ACKR2: variants seen among roughly 807,000 people sequenced by gnomAD.
ACKR2 encodes the protein C-C chemokine receptor D6.
For synonymous variants in ACKR2, 207 were observed against 192.2 expected (o/e 1.08, Z -0.64); for missense variants, 457 against 477.3 (o/e 0.96, Z 0.40).
chr3:42,829,664 G>A (rs1039733508), intron 2 of ACKR2, among the ~76,000 whole-genome samples: 1 of 152,132 alleles, frequency 6.6e-6, no homozygotes, highest in African/African-American at 2.4e-5. Context: ...AAGAGGATTG[G>A]GGCTTGCCCT....
intron 1 of ACKR2, among the ~76,000 whole-genome samples, chr3:42,817,948 A>C (rs62246641): frequency 0.16 from 24,145 of 152,026 alleles, 2,200 homozygotes; most frequent in South Asian, 0.27. Context: ...TGTGTCCCTT[A>C]AATATTGGTG....
chr3:42,829,316 A>G (rs1480531046), intron 2 of ACKR2, among the ~76,000 whole-genome samples: 1 of 152,192 alleles, frequency 6.6e-6, no homozygotes, highest in Admixed American at 6.5e-5. Flanking sequence ...ATGCAAATGA[A>G]TTATCCACAT....
At chr3:42,813,815 A>AT (rs1384723840) in intron 1 of ACKR2, among the ~76,000 whole-genome samples, 4 of 152,146 alleles carry the variant, frequency 2.6e-5, no homozygotes, top group Non-Finnish European at 5.9e-5. Flanking sequence ...AGGAAGTTGT[A>AT]TTTTGTTTTT....
In ACKR2 at chr3:42,865,131, T is replaced by C. The variant is rs773667338; in HGVS notation, c.629T>C (p.Leu210Pro). 2.5e-6 allele frequency: 4 copies of C among 1,614,072 alleles called. 1 individual carries two copies. In the South Asian group the frequency reaches 4.4e-5, roughly 18 times the overall value. The change falls in exon 3 of 3, where the codon CTC becomes CCC. Residue 210 changes from leucine to proline, a missense_variant. Coordinates refer to ENST00000422265, the MANE Select transcript of ACKR2 (RefSeq NM_001296.5). ...GGHGTIWKLF[L>P]RFQQNLLGFL... ...CATGGGACCATTTGGAAGCTCTTCC[T>C]CCGCTTCCAGCAGAACCTCCTAGGG...
chr3:42,853,396 T>C (rs1164576504), intron 2 of ACKR2, among the ~76,000 whole-genome samples: 3 of 152,138 alleles, frequency 2.0e-5, no homozygotes, highest in Admixed American at 1.3e-4. Context: ...TTATTACATA[T>C]AAAGCTCAGG....
At chr3:42,824,569 T>A (rs1026737902) in intron 2 of ACKR2, among the ~76,000 whole-genome samples, 2 of 152,214 alleles carry the variant, frequency 1.3e-5, no homozygotes, top group African/African-American at 4.8e-5. Flanking sequence ...TCTGGACATT[T>A]CATATAAATG....
chr3:42,836,421 A>G (rs1700987755), intron 2 of ACKR2, among the ~76,000 whole-genome samples: 1 of 152,218 alleles, frequency 6.6e-6, no homozygotes, highest in South Asian at 2.1e-4. Flanking sequence ...TTGCTTTCTT[A>G]TTATCAAGTC....
At chr3:42,840,656 C>G (rs150645204) in intron 2 of ACKR2, among the ~76,000 whole-genome samples, 9 of 152,274 alleles carry the variant, frequency 5.9e-5, no homozygotes, top group Admixed American at 3.9e-4. Flanking sequence ...AATTATGATA[C>G]TCTATGTTGA....
intron 2 of ACKR2, among the ~76,000 whole-genome samples, chr3:42,850,043 G>C (rs546053030): frequency 1.3e-5 from 2 of 152,104 alleles, no homozygotes; most frequent in Admixed American, 6.5e-5. Flanking sequence ...ATGTACAAAA[G>C]GGGGGAGGTG....
intron 2 of ACKR2, among the ~76,000 whole-genome samples, chr3:42,833,873 A>G (rs1470025639): frequency 3.3e-5 from 5 of 152,142 alleles, no homozygotes; most frequent in African/African-American, 1.2e-4. Context: ...AAGTCTTACA[A>G]GAGCCATTTT....
intron 2 of ACKR2, among the ~76,000 whole-genome samples, chr3:42,860,163 G>GAAAAAAA (rs2088367013): frequency 1.4e-3 from 7 of 4,928 alleles, no homozygotes; most frequent in Non-Finnish European, 1.8e-3. Context: ...CAAATGGAAA[G>GAAAAAAA]CAAAAAAAAA....
Position 42,865,105 on chromosome 3 carries a change from G to A in ACKR2, c.603G>A (p.Gly201=), listed in dbSNP as rs2088422179. 2 of 1,613,984 alleles carry A rather than the reference G, an allele frequency of 1.2e-6. No homozygotes were observed. The highest frequency in any genetic ancestry group is 4.5e-5 in the East Asian group (2 of 44,872). The change falls in exon 3 of 3, where the codon GGG becomes GGA. Residue 201 remains glycine (G), a synonymous_variant. Transcript: ENST00000422265. Reference sequence around the variant, plus strand: ...GGAACTGCCACGCAGATTTCGGCGGGCATGGGACCATTTGGAAGCTCTTCC... The same window carrying A: ...GGAACTGCCACGCAGATTTCGGCGGACATGGGACCATTTGGAAGCTCTTCC... ...GVWNCHADFG[G]HGTIWKLFLR...
chr3:42,819,133 A>G (rs1385312856), intron 1 of ACKR2, among the ~76,000 whole-genome samples: 2 of 152,182 alleles, frequency 1.3e-5, no homozygotes, highest in African/African-American at 2.4e-5. Flanking sequence ...AAAAGTCTGT[A>G]TAACTTTATC....
At chr3:42,835,880 C>G (rs1303602592) in intron 2 of ACKR2, 1 of 152,276 alleles carries the variant, frequency 6.6e-6, no homozygotes. Flanking sequence ...TCCCAGGTCC[C>G]TCCTTCCTCC....
chr3:42,860,187 A>AAAG, intron 2 of ACKR2, among the ~76,000 whole-genome samples: 1 of 145,950 alleles, frequency 6.9e-6, no homozygotes, highest in South Asian at 2.2e-4. Context: ...AAAAAAAAAA[A>AAAG]AAGCAGGGGA....
At chr3:42,812,789 T>TGG (rs1700709366) in intron 1 of ACKR2, among the ~76,000 whole-genome samples, 2 of 141,244 alleles carry the variant, frequency 1.4e-5, no homozygotes, top group South Asian at 4.8e-4. Context: ...CAGGCTCAAG[T>TGG]GATCCTCTTG....
chr3:42,854,749 T>C (rs1429152595), intron 2 of ACKR2, among the ~76,000 whole-genome samples: 1 of 152,194 alleles, frequency 6.6e-6, no homozygotes, highest in African/African-American at 2.4e-5. Context: ...TTTCCTCTTG[T>C]TGCCTCAACT....
chr3:42,809,943 G>C (rs1700678254), intron 1 of ACKR2, among the ~76,000 whole-genome samples: 1 of 151,962 alleles, frequency 6.6e-6, no homozygotes, highest in Non-Finnish European at 1.5e-5. Context: ...TATTTTCTAT[G>C]ACTTGCTTCA....
At chr3:42,838,543 A>T (rs765817964) in intron 2 of ACKR2, among the ~76,000 whole-genome samples, 3 of 101,398 alleles carry the variant, frequency 3.0e-5, no homozygotes, top group Non-Finnish European at 6.6e-5. Context: ...AAGACTGACC[A>T]TACCAAGAAC....
Sources: allele counts gnomAD v4.1 joint callset (sites outside exome capture counted in the v4.1 genomes callset), GRCh38; gene constraint gnomAD v4.1.1; transcripts MANE v1.5; gene names NCBI Gene and HGNC (gene_info 2026-07-23, HGNC 2026-07-21).